DPRX: variants seen among roughly 807,000 people sequenced by gnomAD.
DPRX encodes divergent paired-related homeobox.
Under a neutral mutation model 8.4 loss-of-function variants are expected in DPRX, and 11 were observed. The observed-to-expected ratio is 1.31, with a 90% CI of 0.82 to 2.17. DPRX has a LOEUF of 2.17. DPRX is among the 30% of genes most tolerant of loss of function. DPRX has a pLI of 0.00. For synonymous variants in DPRX, 72 were observed against 87.0 expected, an observed-to-expected ratio of 0.83 and a Z score of 0.96; for missense variants, 211 against 236.7, an observed-to-expected ratio of 0.89 and a Z score of 0.71.
rs770924095 is a variant in DPRX, at chr19:53,636,646, T to G, written c.234T>G (p.His78Gln). The G allele has an allele frequency of 6.8e-5, 110 of 1,613,864 alleles. 1 individual carries two copies. The highest frequency in any genetic ancestry group is 9.1e-5 in the Non-Finnish European group (107 of 1,179,980). ...AACTCAAGAAAGCGAAATGCAAGCA[T>G]ATTCATCAAAAACAAGAAACTCCAC... Residue 78 changes from histidine (H) to glutamine (Q), a missense_variant, in exon 3 of 3, where the codon CAT (histidine) becomes CAG (glutamine). His to Gln is a conservative substitution (Grantham distance 24, BLOSUM62 0). Transcript: ENST00000376650.
the DPRX span, among the ~76,000 whole-genome samples, chr19:53,619,072 A>G: frequency 6.6e-6 from 1 of 152,112 alleles, no homozygotes; most frequent in Non-Finnish European, 1.5e-5. Context: ...TGTTGATTGT[A>G]TCTCTGCCTC....
At chr19:53,622,313 A>T in the DPRX span, among the ~76,000 whole-genome samples, 1 of 152,080 alleles carries the variant, frequency 6.6e-6, no homozygotes. Flanking sequence ...GCCACTGGAA[A>T]ATGTCAGCGT....
intron 2 of DPRX, 112 bp downstream of exon 2, chr19:53,634,797 C>A: frequency 7.2e-7 from 1 of 1,392,302 alleles, no homozygotes. Context: ...ATTCCCCAAA[C>A]CCACACTCTC....
At chr19:53,627,763 G>GT (rs2091076973), upstream of DPRX, among the ~76,000 whole-genome samples, 1 of 145,572 alleles carries the variant, frequency 6.9e-6, no homozygotes, top group South Asian at 2.5e-4. Flanking sequence ...AACACAAAAA[G>GT]TTTTTGTCTG....
upstream of DPRX, among the ~76,000 whole-genome samples, chr19:53,627,439 C>CTT (rs1030412694): frequency 1.5e-3 from 102 of 66,272 alleles, 1 homozygote; most frequent in Middle Eastern, 8.9e-3. Context: ...TTCTTTCTTT[C>CTT]TTTTTTTTTT....
chr19:53,614,288 G>T, the DPRX span, among the ~76,000 whole-genome samples: 1 of 152,148 alleles, frequency 6.6e-6, no homozygotes, highest in African/African-American at 2.4e-5. Context: ...GATGGTGCGT[G>T]CCTGTGGTCC....
chr19:53,629,349 G>A (rs980179080), upstream of DPRX, among the ~76,000 whole-genome samples: 4 of 148,512 alleles, frequency 2.7e-5, no homozygotes, highest in Non-Finnish European at 4.5e-5. Flanking sequence ...ATGAGATACC[G>A]ACACATTATA....
the DPRX span, among the ~76,000 whole-genome samples, chr19:53,621,897 G>A: frequency 2.6e-5 from 4 of 152,130 alleles, no homozygotes; most frequent in African/African-American, 9.7e-5. Flanking sequence ...ATGTTTACCA[G>A]AGCAAACTAC....
At chr19:53,623,552 C>T in the DPRX span, among the ~76,000 whole-genome samples, 2 of 151,698 alleles carry the variant, frequency 1.3e-5, no homozygotes, top group African/African-American at 4.8e-5. Context: ...GAAGGAGAAT[C>T]GCTTGAATCC....
upstream of DPRX, among the ~76,000 whole-genome samples, chr19:53,631,088 C>A (rs550709944): frequency 6.6e-4 from 101 of 152,024 alleles, no homozygotes; most frequent in Non-Finnish European, 1.3e-3. Context: ...CTCAGGTGAT[C>A]CGCCTGCCTC....
the DPRX span, among the ~76,000 whole-genome samples, chr19:53,625,942 C>A: frequency 6.6e-6 from 1 of 151,230 alleles, no homozygotes; most frequent in African/African-American, 2.4e-5. Flanking sequence ...CCAGTGCCCC[C>A]CCTTTTTTGT....
intron 1 of DPRX, among the ~76,000 whole-genome samples, chr19:53,633,923 C>T (rs1476166619): frequency 2.0e-5 from 3 of 151,982 alleles, no homozygotes; most frequent in South Asian, 2.1e-4. Flanking sequence ...GGATTACAGG[C>T]GTGAGCAAGG....
the DPRX span, among the ~76,000 whole-genome samples, chr19:53,615,747 T>C: frequency 0.041 from 6,308 of 152,196 alleles, 211 homozygotes; most frequent in East Asian, 0.16. Context: ...TTTTTCTTAA[T>C]TTTAATATAA....
At chr19:53,609,930 G>A in the DPRX span, among the ~76,000 whole-genome samples, 1 of 151,266 alleles carries the variant, frequency 6.6e-6, no homozygotes, top group Non-Finnish European at 1.5e-5. Context: ...GGTTGTGGTG[G>A]GCTGACATCA....
upstream of DPRX, among the ~76,000 whole-genome samples, chr19:53,627,439 C>CTTTTT (rs1030412694): frequency 1.5e-5 from 1 of 66,250 alleles, no homozygotes; most frequent in African/African-American, 4.6e-5. Context: ...TTCTTTCTTT[C>CTTTTT]TTTTTTTTTT....
the DPRX span, among the ~76,000 whole-genome samples, chr19:53,605,863 C>A: frequency 6.6e-6 from 1 of 151,300 alleles, no homozygotes; most frequent in Non-Finnish European, 1.5e-5. Flanking sequence ...AGATGGAAGT[C>A]TCCCTGTGTT....
chr19:53,612,504 C>T, the DPRX span, among the ~76,000 whole-genome samples: 2 of 152,112 alleles, frequency 1.3e-5, no homozygotes, highest in East Asian at 1.9e-4. Flanking sequence ...GTCAGGCGTT[C>T]GAGACCAGCC....
At chr19:53,604,074 G>C in the DPRX span, among the ~76,000 whole-genome samples, 2 of 152,020 alleles carry the variant, frequency 1.3e-5, no homozygotes, top group African/African-American at 4.8e-5. Context: ...ATTGTGTGCA[G>C]CTTCAAGTAG....
the DPRX span, among the ~76,000 whole-genome samples, chr19:53,615,211 A>G: frequency 6.0e-3 from 907 of 151,390 alleles, 10 homozygotes; most frequent in African/African-American, 0.021. Flanking sequence ...GCCTTAGGTG[A>G]CCCGCCCACC....
Sources: allele counts gnomAD v4.1 joint callset (sites outside exome capture counted in the v4.1 genomes callset), GRCh38; gene constraint gnomAD v4.1.1; transcripts MANE v1.5; gene names NCBI Gene and HGNC (gene_info 2026-07-23, HGNC 2026-07-21).